BOC: variants seen among roughly 807,000 people sequenced by gnomAD.
BOC encodes brother of CDO.
A neutral mutation model predicts 112.0 loss-of-function variants in BOC; 76 were observed. That is an observed-to-expected ratio of 0.68 (90% CI 0.56 to 0.82). The LOEUF (loss-of-function observed/expected upper bound fraction) is 0.82. BOC is among the 40% of genes least tolerant of loss of function. BOC has a pLI of 0.00. For missense variants in BOC, 1,309 were observed against 1,511.7 expected, an observed-to-expected ratio of 0.87 and a Z score of 2.22; for synonymous variants, 580 against 599.8, an observed-to-expected ratio of 0.97 and a Z score of 0.48.
At chr3:113,253,342 C>T (rs1945861970) in intron 4 of BOC, among the ~76,000 whole-genome samples, 1 of 152,056 alleles carries the variant, frequency 6.6e-6, no homozygotes, top group Non-Finnish European at 1.5e-5. Context: ...GTAATCCCAG[C>T]ACTTTGGGAG....
Position 113,281,180 on chromosome 3 carries a change from G to C in BOC, c.2434+27G>C. 3 of 1,611,588 alleles carry C rather than the reference G, an allele frequency of 1.9e-6. No individual in the cohort carries two copies. The Middle Eastern group carries it at 5.0e-4, about 266-fold the overall frequency. On this transcript the variant is annotated intron_variant, in intron 15 of 19. Transcript: ENST00000682979. ...TGAAGCTCTTTGGGTTCTCTCTCCTGTCTTGGTGTTTCCAGCGAGGGAAGG... is the reference window on the plus strand; with the variant it reads ...TGAAGCTCTTTGGGTTCTCTCTCCTCTCTTGGTGTTTCCAGCGAGGGAAGG...
At chr3:113,259,597 T>C (rs1482973249) in intron 4 of BOC, among the ~76,000 whole-genome samples, 1 of 152,224 alleles carries the variant, frequency 6.6e-6, no homozygotes, top group Non-Finnish European at 1.5e-5. Context: ...GAGCAATTTC[T>C]ACTTTGACTT....
intron 4 of BOC, among the ~76,000 whole-genome samples, chr3:113,264,192 T>C (rs1398633124): frequency 6.6e-6 from 1 of 152,204 alleles, no homozygotes; most frequent in Non-Finnish European, 1.5e-5. Flanking sequence ...ACTTCTGACC[T>C]GTTGGGAGCT....
At chr3:113,234,530 G>A (rs1943154456) in intron 2 of BOC, among the ~76,000 whole-genome samples, 1 of 152,126 alleles carries the variant, frequency 6.6e-6, no homozygotes, top group African/African-American at 2.4e-5. Flanking sequence ...TTCAATTTTG[G>A]TATAATAGAA....
Position 113,286,943 on chromosome 3 carries a change from G to A in BOC, c.*81G>A. 3 of 1,307,730 alleles carry A rather than the reference G, an allele frequency of 2.3e-6. No individual in the cohort carries two copies. The highest frequency in any genetic ancestry group is 3.1e-6 in the Non-Finnish European group (3 of 963,272). 81.0% of individuals were successfully genotyped at this position (1,307,730 alleles called of 1,614,324 possible). On this transcript the variant is annotated 3_prime_UTR_variant, in exon 20 of 20. Transcript: ENST00000682979. The stretch of plus-strand genomic sequence containing the variant: ...GAAGAAAAAAGAGACAGAGAAAATT[G>A]GTATTTATTTTTCTATTATAGCCAT...
Position 113,274,733 on chromosome 3 carries a change from A to G in BOC, c.1542+51A>G, listed in dbSNP as rs1487022792. 6.6e-7 allele frequency: 1 copy of G among 1,517,780 alleles called. No individual in the cohort carries two copies. The highest frequency in any genetic ancestry group is 1.4e-5 in the African/African-American group (1 of 72,470). The allele number at this position is 1,517,780 out of a possible 1,614,324, so 94.0% of individuals were successfully genotyped here. Reference sequence around the variant, plus strand: ...CCTCCCCTGCACAGCCTTTCCAGCAAGGCTGAGCAGAGTCACTGTCTCTTG... The same window carrying G: ...CCTCCCCTGCACAGCCTTTCCAGCAGGGCTGAGCAGAGTCACTGTCTCTTG... On this transcript the variant is annotated intron_variant, in intron 9 of 19. Coordinates refer to ENST00000682979, the MANE Select transcript of BOC (RefSeq NM_001378074.1). The surrounding 1 kb of genome is among the most constrained non-coding windows in gnomAD (Gnocchi z 4.8).
intron 4 of BOC, among the ~76,000 whole-genome samples, chr3:113,259,645 TAATCTTG>T (rs1946599877): frequency 6.6e-6 from 1 of 152,184 alleles, no homozygotes. Flanking sequence ...AGTCTGGTAA[TAATCTTG>T]AGCTCTATAG....
chr3:113,229,082 G>A lies in BOC; in HGVS notation c.-82+12808G>A, dbSNP rs140753959. Among the ~76,000 whole-genome samples, 1,323 of 152,334 alleles carry A rather than the reference G, an allele frequency of 8.7e-3. 25 individuals carry two copies. Among genetic ancestry groups the A allele is most frequent in the African/African-American group, 0.03 (1,251 of 41,570 alleles). On this transcript the variant is annotated intron_variant, in intron 2 of 19. Coordinates refer to ENST00000682979, the MANE Select transcript of BOC (RefSeq NM_001378074.1). The stretch of plus-strand genomic sequence containing the variant: ...GCTTCATTCCTGGACTGGGAGGGCC[G>A]GGAAGGAGTGCGGCTGCAGCTCTGA...
At chr3:113,247,976 T>C (rs1945138837) in intron 2 of BOC, among the ~76,000 whole-genome samples, 1 of 152,250 alleles carries the variant, frequency 6.6e-6, no homozygotes. Context: ...CATCCCCTTG[T>C]CCTATCCCAG....
chr3:113,261,448 A>G (rs1946865512), intron 4 of BOC, among the ~76,000 whole-genome samples: 1 of 152,130 alleles, frequency 6.6e-6, no homozygotes, highest in Non-Finnish European at 1.5e-5. Context: ...AGTCCAAAAG[A>G]AACTCCCCAG....
At chr3:113,235,503 A>G (rs1943305330) in intron 2 of BOC, among the ~76,000 whole-genome samples, 1 of 152,186 alleles carries the variant, frequency 6.6e-6, no homozygotes, top group Non-Finnish European at 1.5e-5. Flanking sequence ...TATGATGATG[A>G]GGATATTTTC....
intron 4 of BOC, among the ~76,000 whole-genome samples, chr3:113,256,698 A>G (rs1301571312): frequency 6.6e-6 from 1 of 152,142 alleles, no homozygotes; most frequent in Non-Finnish European, 1.5e-5. Flanking sequence ...AAATATTTCT[A>G]GCTTCCTTTA....
intron 2 of BOC, among the ~76,000 whole-genome samples, chr3:113,231,199 C>CT (rs1243790913): frequency 6.6e-6 from 1 of 152,072 alleles, no homozygotes; most frequent in Non-Finnish European, 1.5e-5. Flanking sequence ...TTGGAGATAG[C>CT]TTTTTTTCAA....
intron 2 of BOC, among the ~76,000 whole-genome samples, chr3:113,231,233 C>T (rs769111610): frequency 2.0e-5 from 3 of 151,994 alleles, no homozygotes; most frequent in South Asian, 2.1e-4. Flanking sequence ...ATTACAAAAG[C>T]GATGCTACAT....
intron 2 of BOC, among the ~76,000 whole-genome samples, chr3:113,248,516 G>A (rs576156446): frequency 5.9e-5 from 9 of 152,296 alleles, no homozygotes; most frequent in Non-Finnish European, 8.8e-5. Context: ...ATGATCCACC[G>A]TGCAGATCAC....
intron 2 of BOC, among the ~76,000 whole-genome samples, chr3:113,236,202 G>A (rs78590329): frequency 0.025 from 3,154 of 127,162 alleles, 123 homozygotes; most frequent in African/African-American, 0.084. Context: ...AGAAAATATG[G>A]TATATATATA....
chr3:113,279,145 A>C, intron 11 of BOC, 104 bp from the exon 12 acceptor site: 1 of 1,194,912 alleles, frequency 8.4e-7, no homozygotes, highest in Non-Finnish European at 1.2e-6. Flanking sequence ...CGGGCCCGTC[A>C]GGAGCAGGCC....
intron 2 of BOC, among the ~76,000 whole-genome samples, chr3:113,220,201 C>T (rs571442311): frequency 3.3e-5 from 5 of 152,280 alleles, no homozygotes; most frequent in East Asian, 1.9e-4. Flanking sequence ...AGAAAGAATT[C>T]GACAGGCAGT....
intron 16 of BOC, among the ~76,000 whole-genome samples, chr3:113,283,876 G>A (rs1449691971): frequency 6.6e-6 from 1 of 151,810 alleles, no homozygotes; most frequent in East Asian, 1.9e-4. Flanking sequence ...CCTATGTTGT[G>A]CCATCTTCTG....
Sources: allele counts gnomAD v4.1 joint callset (sites outside exome capture counted in the v4.1 genomes callset), GRCh38; gene constraint gnomAD v4.1.1; non-coding constraint Gnocchi (gnomAD v3.1); transcripts MANE v1.5; gene names NCBI Gene and HGNC (gene_info 2026-07-23, HGNC 2026-07-21).